Variants in ABCD3 observed in about 807,000 individuals in gnomAD.
The protein encoded by ABCD3 is ATP binding cassette subfamily D member 3, also known as ATP-binding cassette sub-family D member 3.
Under a neutral mutation model 105.5 loss-of-function variants are expected in ABCD3, and 41 were observed. The observed-to-expected ratio is 0.39, with a 90% CI of 0.30 to 0.50. ABCD3 has a LOEUF of 0.50. ABCD3 is among the 20% of genes least tolerant of loss of function. ABCD3 has a pLI of 0.84. For synonymous variants in ABCD3, 258 were observed against 269.0 expected, an observed-to-expected ratio of 0.96 and a Z score of 0.40; for missense variants, 622 against 806.3, an observed-to-expected ratio of 0.77 and a Z score of 2.77.
At chr1:94,493,125 A>G (rs1260683772) in intron 16 of ABCD3, among the ~76,000 whole-genome samples, 418 of 132,450 alleles carry the variant, frequency 3.2e-3, no homozygotes, top group South Asian at 6.3e-3. Flanking sequence ...GAGCTTCTGC[A>G]CAGCAAAAGA....
intron 1 of ABCD3, among the ~76,000 whole-genome samples, chr1:94,429,843 C>T (rs1659606641): frequency 6.6e-6 from 1 of 152,226 alleles, no homozygotes; most frequent in Non-Finnish European, 1.5e-5. Context: ...CCTGCTGGGG[C>T]ACCACCTAGT....
In ABCD3 at chr1:94,489,801, T is replaced by A. The variant is rs1649444194; in HGVS notation, c.1234T>A (p.Ser412Thr). The A allele has an allele frequency of 7.4e-6, 12 of 1,613,200 alleles. No individual in the cohort carries two copies. In the East Asian group the frequency reaches 2.7e-4, roughly 36 times the overall value. The change falls in exon 14 of 23, where the codon TCA (serine) becomes ACA (threonine). Residue 412 changes from serine to threonine, a missense_variant. Ser to Thr is a moderately conservative substitution (Grantham distance 58, BLOSUM62 1). This residue lies in a region of ABCD3 where 285 missense variants were observed against 352.5 expected (regional missense o/e 0.81). Transcript: ENST00000370214. The stretch of plus-strand genomic sequence containing the variant: ...TGGCAAATATGAGCGCACAATGGTC[T>A]CACAACAGGAAAAGGGTAAATATGA... The part of the protein sequence containing the change: ...NHGKYERTMV[S>T]QQEKGIEGVQ...
intron 1 of ABCD3, chr1:94,455,821 A>G (rs948239816): frequency 6.2e-6 from 8 of 1,282,982 alleles, no homozygotes; most frequent in East Asian, 5.6e-5. Flanking sequence ...GTGTGTGTAC[A>G]TGTGTATATA....
intron 1 of ABCD3, among the ~76,000 whole-genome samples, chr1:94,444,161 G>A (rs186643034): frequency 2.8e-3 from 421 of 151,760 alleles, no homozygotes; most frequent in African/African-American, 9.8e-3. Flanking sequence ...GTGAAACCTC[G>A]TCTCTCCTAA....
At chr1:94,420,455 G>A (rs1659214613) in intron 1 of ABCD3, among the ~76,000 whole-genome samples, 1 of 152,040 alleles carries the variant, frequency 6.6e-6, no homozygotes. Flanking sequence ...TTTTTTTTGA[G>A]AAACTTTGTG....
In ABCD3 at chr1:94,422,300, G is replaced by T. The variant is rs145789809; in HGVS notation, c.110+3712G>T. On this transcript the variant is annotated intron_variant, in intron 1 of 22. Transcript: ENST00000370214. ...TCCGCCTCCTGTCAGATCAGCAGGG[G>T]CATTAGATTCTCATAGGAGCGTGAA... 7.9e-5 allele frequency among the ~76,000 whole-genome samples: 12 copies of T among 152,290 alleles called. No individual in the cohort carries two copies. The East Asian group carries it at 2.3e-3, about 29-fold the overall frequency.
chr1:94,453,508 T>C (rs1016625927), intron 1 of ABCD3, among the ~76,000 whole-genome samples: 2 of 151,676 alleles, frequency 1.3e-5, no homozygotes, highest in East Asian at 1.9e-4. Flanking sequence ...TTAGTAGAGA[T>C]GGGGTTTCAC....
the ABCD3 span, among the ~76,000 whole-genome samples, chr1:94,390,554 C>T: frequency 3.9e-5 from 6 of 152,082 alleles, no homozygotes; most frequent in Non-Finnish European, 8.8e-5. Context: ...CCACCCACCC[C>T]GGCATCCCAA....
chr1:94,516,052 G>A (rs1163672568), intron 22 of ABCD3, among the ~76,000 whole-genome samples: 2 of 151,936 alleles, frequency 1.3e-5, no homozygotes, highest in South Asian at 2.1e-4. Context: ...ACTGAGCTAA[G>A]TGTCATGAGG....
intron 1 of ABCD3, among the ~76,000 whole-genome samples, chr1:94,427,077 A>G (rs1378400813): frequency 2.0e-5 from 3 of 152,032 alleles, no homozygotes; most frequent in Non-Finnish European, 4.4e-5. Flanking sequence ...TGGTTATTGT[A>G]TTGGCTCTCA....
chr1:94,479,219 GT>G (rs1284378233), intron 8 of ABCD3, among the ~76,000 whole-genome samples: 4 of 151,818 alleles, frequency 2.6e-5, no homozygotes, highest in Non-Finnish European at 5.9e-5. Flanking sequence ...CTTGTATTTT[GT>G]TTTACTATAA....
At chr1:94,391,107 T>C in the ABCD3 span, among the ~76,000 whole-genome samples, 14 of 152,184 alleles carry the variant, frequency 9.2e-5, no homozygotes, top group African/African-American at 3.1e-4. Context: ...TGCAAAATCC[T>C]TCCTCAGGTT....
intron 1 of ABCD3, among the ~76,000 whole-genome samples, chr1:94,442,943 T>A (rs1178237561): frequency 2.6e-5 from 4 of 151,974 alleles, no homozygotes. Context: ...CAGGTATCTT[T>A]TATATATATA....
At chr1:94,492,676 A>T (rs559958872) in intron 16 of ABCD3, among the ~76,000 whole-genome samples, 1 of 152,254 alleles carries the variant, frequency 6.6e-6, no homozygotes, top group East Asian at 1.9e-4. Context: ...TCCAAGGATA[A>T]AAAGGACGTG....
In ABCD3 at chr1:94,504,472, G is replaced by C. The variant is rs138286261; in HGVS notation, c.1741-2066G>C. On this transcript the variant is annotated intron_variant, in intron 20 of 22. Coordinates refer to ENST00000370214, the MANE Select transcript of ABCD3 (RefSeq NM_002858.4). ...GGATGAGGGTAGGTTTGCCTGAGAT[G>C]ACATTATAAGCAGAAATCTGAAAGC... 6.6e-4 allele frequency among the ~76,000 whole-genome samples: 100 copies of C among 152,260 alleles called. 1 individual carries two copies. The East Asian group carries it at 0.014, about 21-fold the overall frequency.
At chr1:94,478,852 T>C (rs1178325504) in intron 8 of ABCD3, 4 of 270,624 alleles carry the variant, frequency 1.5e-5, no homozygotes, top group Non-Finnish European at 2.6e-5. Context: ...GAATATTTTA[T>C]AATGTAAATG....
chr1:94,501,992 C>T (rs1650122770), intron 20 of ABCD3, among the ~76,000 whole-genome samples: 1 of 151,998 alleles, frequency 6.6e-6, no homozygotes, highest in Admixed American at 6.6e-5. Flanking sequence ...GTCTCTGCCT[C>T]CTTTCCTGTC....
At chr1:94,422,402 A>G (rs1480812252) in intron 1 of ABCD3, among the ~76,000 whole-genome samples, 1 of 152,226 alleles carries the variant, frequency 6.6e-6, no homozygotes, top group Non-Finnish European at 1.5e-5. Flanking sequence ...GATGTGAGGC[A>G]AAACAGTTTC....
chr1:94,474,658 A>G (rs1331303609), intron 5 of ABCD3, among the ~76,000 whole-genome samples: 1 of 152,140 alleles, frequency 6.6e-6, no homozygotes, highest in African/African-American at 2.4e-5. Flanking sequence ...AACGATGGAA[A>G]ATGTTAGTAA....
Sources: gnomAD v4.1 joint callset for allele counts (sites outside exome capture counted in the v4.1 genomes callset) on GRCh38, gnomAD v4.1.1 for gene constraint, gnomAD v4.1.1 regional missense constraint, MANE v1.5 for transcripts, NCBI Gene and HGNC (gene_info 2026-07-23, HGNC 2026-07-21) for gene names.